PTPRT: variants seen among roughly 807,000 people sequenced by gnomAD.
The protein encoded by PTPRT is receptor-type tyrosine-protein phosphatase T.
Under a neutral mutation model 176.8 loss-of-function variants are expected in PTPRT, and 56 were observed. That is an observed-to-expected ratio of 0.32 (90% CI 0.26 to 0.40). PTPRT has a LOEUF of 0.40. PTPRT is among the 10% of genes least tolerant of loss of function. PTPRT has a pLI of 1.00. For missense variants in PTPRT, 1,540 were observed against 1,908.2 expected, an observed-to-expected ratio of 0.81 and a Z score of 3.60; for synonymous variants, 783 against 739.0, an observed-to-expected ratio of 1.06 and a Z score of -0.96.
intron 7 of PTPRT, among the ~76,000 whole-genome samples, chr20:42,496,640 CTTT>C (rs537023943): frequency 1.4e-5 from 2 of 142,252 alleles, no homozygotes; most frequent in Admixed American, 7.1e-5. Flanking sequence ...CTTTCACCAC[CTTT>C]TTTTTTTTTT....
intron 6 of PTPRT, among the ~76,000 whole-genome samples, chr20:42,706,179 TTGTG>T (rs369232610): frequency 0.12 from 15,016 of 123,322 alleles, 886 homozygotes; most frequent in East Asian, 0.25. Context: ...CTCTCTCTGT[TTGTG>T]TGTGTGTGTG....
intron 1 of PTPRT, among the ~76,000 whole-genome samples, chr20:43,082,464 C>A (rs371510681): frequency 4.6e-5 from 7 of 152,206 alleles, no homozygotes; most frequent in African/African-American, 1.7e-4. Context: ...ATCCTCCCCA[C>A]AGCAAGACAC....
chr20:42,271,111 T>G (rs185289358), intron 13 of PTPRT, among the ~76,000 whole-genome samples: 1 of 152,266 alleles, frequency 6.6e-6, no homozygotes, highest in East Asian at 1.9e-4. Context: ...GTCCCCAAGG[T>G]AAACTTCAAA....
At chr20:42,258,461 C>T (rs565990458) in intron 13 of PTPRT, among the ~76,000 whole-genome samples, 3 of 152,294 alleles carry the variant, frequency 2.0e-5, no homozygotes, top group East Asian at 3.9e-4. Context: ...ATTATAATCG[C>T]TGGGCTTTCT....
intron 7 of PTPRT, among the ~76,000 whole-genome samples, chr20:42,627,700 A>G (rs576400573): frequency 1.3e-5 from 2 of 152,084 alleles, no homozygotes; most frequent in Non-Finnish European, 2.9e-5. Flanking sequence ...AGAAAGCTCC[A>G]ATTTCTAGCC....
chr20:42,761,247 C>A (rs1439477767), intron 5 of PTPRT, among the ~76,000 whole-genome samples: 1 of 152,020 alleles, frequency 6.6e-6, no homozygotes, highest in African/African-American at 2.4e-5. Context: ...CCAGCCTGAC[C>A]AACATGGAGA....
At chr20:42,926,535 G>T (rs1470719521) in intron 1 of PTPRT, among the ~76,000 whole-genome samples, 13 of 152,172 alleles carry the variant, frequency 8.5e-5, no homozygotes, top group African/African-American at 3.1e-4. Flanking sequence ...TCCACCAGAA[G>T]TACTTTCCAG....
chr20:42,177,745 G>A (rs1463648638), intron 16 of PTPRT, among the ~76,000 whole-genome samples: 3 of 152,030 alleles, frequency 2.0e-5, no homozygotes, highest in Non-Finnish European at 2.9e-5. Context: ...TTTATGGGGG[G>A]GCAGGATAGC....
intron 13 of PTPRT, among the ~76,000 whole-genome samples, chr20:42,272,843 C>A (rs1229923878): frequency 2.0e-5 from 3 of 152,144 alleles, no homozygotes; most frequent in African/African-American, 7.2e-5. Flanking sequence ...TTGCCTTGTC[C>A]CATTTAAATT....
At chr20:42,350,214 G>GTTTTTTTTTTT (rs764181357) in intron 11 of PTPRT, among the ~76,000 whole-genome samples, 103 of 58,256 alleles carry the variant, frequency 1.8e-3, no homozygotes, top group Middle Eastern at 0.01. Flanking sequence ...GATGTTTCTT[G>GTTTTTTTTTTT]TTTTTTTTTT....
At chr20:42,780,135 G>C (rs558765666) in intron 4 of PTPRT, 83 bp downstream of exon 4, 9 of 1,101,772 alleles carry the variant, frequency 8.2e-6, no homozygotes, top group African/African-American at 7.7e-5. Flanking sequence ...TTTGTAAGCT[G>C]AATGAATGGA....
At chr20:42,657,657 T>C (rs868196947) in intron 7 of PTPRT, among the ~76,000 whole-genome samples, 8 of 152,218 alleles carry the variant, frequency 5.3e-5, no homozygotes, top group African/African-American at 1.9e-4. Context: ...ATGGGAGCTG[T>C]TTCCCAACTC....
intron 12 of PTPRT, among the ~76,000 whole-genome samples, chr20:42,283,302 C>G (rs1311156050): frequency 6.6e-6 from 1 of 152,042 alleles, no homozygotes; most frequent in Non-Finnish European, 1.5e-5. Flanking sequence ...AATTATACCC[C>G]CAACAACAGT....
intron 1 of PTPRT, among the ~76,000 whole-genome samples, chr20:43,000,464 T>C (rs78987142): frequency 0.011 from 1,741 of 152,190 alleles, 46 homozygotes; most frequent in African/African-American, 0.039. Context: ...AGCAATGACT[T>C]GAACTCTCAA....
intron 9 of PTPRT, among the ~76,000 whole-genome samples, chr20:42,381,846 T>TA (rs780887201): frequency 3.3e-5 from 5 of 152,206 alleles, no homozygotes; most frequent in Non-Finnish European, 7.3e-5. Context: ...GAAAACCTGA[T>TA]ACGATTCAGA....
At chr20:42,741,534 T>C (rs1249698355) in intron 6 of PTPRT, among the ~76,000 whole-genome samples, 3 of 151,780 alleles carry the variant, frequency 2.0e-5, no homozygotes, top group African/African-American at 4.8e-5. Context: ...TTAGTAGAGA[T>C]AGGGTTTCAC....
At position 42,782,562 on chromosome 20, in the gene PTPRT, T is replaced by C. The variant is rs866174350; in HGVS notation, c.487-2263A>G. On this transcript the variant is annotated intron_variant, in intron 3 of 30. Transcript: ENST00000373187. The stretch of plus-strand genomic sequence containing the variant: ...CCCAAGCTGGAGACCAGGGTGTCTA[T>C]TGGGCCTCAACTTCTGCCTCAGCCC... Among the ~76,000 whole-genome samples, 15 of 152,368 alleles carry C rather than the reference T, an allele frequency of 9.8e-5. No individual in the cohort carries two copies. In the South Asian group the frequency reaches 1.2e-3, roughly 13 times the overall value.
chr20:42,098,174 G>T (rs1431226004), intron 27 of PTPRT, among the ~76,000 whole-genome samples: 1 of 152,180 alleles, frequency 6.6e-6, no homozygotes, highest in Non-Finnish European at 1.5e-5. Context: ...GAGCAACAGA[G>T]TCTGGTCCCG....
intron 17 of PTPRT, among the ~76,000 whole-genome samples, chr20:42,154,796 T>C (rs1030417590): frequency 1.3e-5 from 2 of 152,188 alleles, no homozygotes; most frequent in Non-Finnish European, 2.9e-5. Flanking sequence ...CCCACATCTC[T>C]TATATTTTGC....
Sources: allele counts gnomAD v4.1 joint callset (sites outside exome capture counted in the v4.1 genomes callset), GRCh38; gene constraint gnomAD v4.1.1; transcripts MANE v1.5; gene names NCBI Gene and HGNC (gene_info 2026-07-23, HGNC 2026-07-21).